Variants in CFAP299 observed in about 807,000 individuals in gnomAD.
CFAP299 encodes cilia and flagella associated protein 299, also known as cilia- and flagella-associated protein 299.
In CFAP299, 21 loss-of-function variants were observed where a neutral mutation model predicts 27.0. That is an observed-to-expected ratio of 0.78 (90% CI 0.55 to 1.12). CFAP299 has a LOEUF of 1.12. Among genes scored for constraint, CFAP299 ranks in the 50% most tolerant of loss-of-function variants. The pLI is 0.00. For missense variants in CFAP299, 310 were observed against 276.6 expected (o/e 1.12, Z -0.86); for synonymous variants, 104 against 98.1 (o/e 1.06, Z -0.36).
intron 3 of CFAP299, among the ~76,000 whole-genome samples, chr4:80,712,025 G>A (rs1722204533): frequency 6.6e-6 from 1 of 152,130 alleles, no homozygotes; most frequent in South Asian, 2.1e-4. Flanking sequence ...CTGCTAGGAG[G>A]CAATACTTAC....
intron 2 of CFAP299, among the ~76,000 whole-genome samples, chr4:80,432,073 A>T (rs1405297357): frequency 6.6e-6 from 1 of 152,252 alleles, no homozygotes; most frequent in Non-Finnish European, 1.5e-5. Context: ...TCTCACTTAT[A>T]GATAGGAAAA....
intron 2 of CFAP299, among the ~76,000 whole-genome samples, chr4:80,483,406 T>G (rs2110129939): frequency 6.6e-6 from 1 of 152,334 alleles, no homozygotes; most frequent in Middle Eastern, 3.4e-3. Flanking sequence ...TAATTAAATT[T>G]TACATGAATT....
Position 80,884,300 on chromosome 4 carries a change from A to G in CFAP299, c.476+14165A>G, listed in dbSNP as rs185762944. Among the ~76,000 whole-genome samples the G allele has an allele frequency of 7.0e-4, 106 of 152,314 alleles. No individual in the cohort carries two copies. In the East Asian group the frequency reaches 0.014, roughly 20 times the overall value. ...GAAGTGTCTCAATAAATTTTTTAAA[A>G]TTGGATCAAGTTTCTTGTTCAAGCA... On this transcript the variant is annotated intron_variant, in intron 4 of 5. Coordinates refer to ENST00000358105, the MANE Select transcript of CFAP299 (RefSeq NM_152770.3).
intron 1 of CFAP299, among the ~76,000 whole-genome samples, chr4:80,352,325 T>G (rs376852412): frequency 1.2e-3 from 183 of 152,254 alleles, no homozygotes; most frequent in African/African-American, 4.2e-3. Flanking sequence ...CCCAGCACTT[T>G]GGGAGGCTGA....
intron 2 of CFAP299, among the ~76,000 whole-genome samples, chr4:80,509,665 A>G (rs535898902): frequency 6.6e-6 from 1 of 152,286 alleles, no homozygotes; most frequent in South Asian, 2.1e-4. Flanking sequence ...TCATTAGGGA[A>G]ATATAATTAT....
intron 3 of CFAP299, among the ~76,000 whole-genome samples, chr4:80,773,400 T>C (rs1726336278): frequency 2.0e-5 from 3 of 152,136 alleles, no homozygotes; most frequent in Non-Finnish European, 2.9e-5. Flanking sequence ...AGACTAGTCC[T>C]ATTAGCCTAT....
At chr4:80,545,724 A>G (rs575942052) in intron 2 of CFAP299, among the ~76,000 whole-genome samples, 2 of 152,280 alleles carry the variant, frequency 1.3e-5, no homozygotes, top group South Asian at 4.1e-4. Context: ...AGGAGGAGGG[A>G]CTCCTCTCTA....
intron 3 of CFAP299, among the ~76,000 whole-genome samples, chr4:80,700,038 T>A (rs72661721): frequency 0.029 from 4,488 of 152,260 alleles, 90 homozygotes; most frequent in Middle Eastern, 0.061. Context: ...ATTTGGTAGG[T>A]AAATTGTACT....
At chr4:80,937,899 G>A (rs936946423) in intron 4 of CFAP299, among the ~76,000 whole-genome samples, 1 of 151,880 alleles carries the variant, frequency 6.6e-6, no homozygotes, top group African/African-American at 2.4e-5. Flanking sequence ...ATCTGCTACT[G>A]GTGTTTTGTT....
intron 3 of CFAP299, among the ~76,000 whole-genome samples, chr4:80,863,309 C>T (rs1347387298): frequency 6.6e-6 from 1 of 151,398 alleles, no homozygotes; most frequent in Non-Finnish European, 1.5e-5. Context: ...AATCAGGCAA[C>T]ACATGTAGTC....
At chr4:80,339,601 C>A (rs908625323) in intron 1 of CFAP299, among the ~76,000 whole-genome samples, 17 of 152,196 alleles carry the variant, frequency 1.1e-4, no homozygotes, top group South Asian at 2.1e-4. Context: ...TACTGAATAG[C>A]TTCAAAGCAT....
chr4:80,766,314 G>C (rs576988962), intron 3 of CFAP299, among the ~76,000 whole-genome samples: 1 of 152,074 alleles, frequency 6.6e-6, no homozygotes, highest in Non-Finnish European at 1.5e-5. Flanking sequence ...TAGAATACTG[G>C]AGTAAGCTAA....
chr4:80,651,798 A>G lies in CFAP299; in HGVS notation c.333+68615A>G, dbSNP rs117431171. Among the ~76,000 whole-genome samples the G allele has an allele frequency of 3.1e-4, 47 of 151,228 alleles. No homozygotes were observed. In the East Asian group the frequency reaches 8.6e-3, roughly 28 times the overall value. On this transcript the variant is annotated intron_variant, in intron 3 of 5. Transcript: ENST00000358105. ...ACAGAAGAGACAAAATCACACAGGT[A>G]AACTTTGAATTGTCAGTTGACCATA...
rs115055255 is a variant in CFAP299 at position 80,950,420 on chromosome 4, G to T, written c.606+5481G>T. On this transcript the variant is annotated intron_variant, in intron 5 of 5. Transcript: ENST00000358105. ...TGGCAAGCTAGAAAGTAACCTGAGA[G>T]GACAGAAAAAGTTCTGTAAGAATTC... Among the ~76,000 whole-genome samples the T allele has an allele frequency of 5.5e-3, 841 of 152,136 alleles. 4 individuals are homozygous for T. The highest frequency in any genetic ancestry group is 0.019 in the African/African-American group (793 of 41,516).
intron 3 of CFAP299, among the ~76,000 whole-genome samples, chr4:80,724,986 T>C (rs894280267): frequency 1.3e-5 from 2 of 150,928 alleles, no homozygotes; most frequent in African/African-American, 4.9e-5. Flanking sequence ...CTTGCTGTGT[T>C]GCCCATGCTG....
intron 3 of CFAP299, among the ~76,000 whole-genome samples, chr4:80,701,219 T>C (rs1325196599): frequency 6.6e-6 from 1 of 151,976 alleles, no homozygotes; most frequent in Non-Finnish European, 1.5e-5. Context: ...GAGGATATGG[T>C]TTAAGAATCA....
chr4:80,952,526 G>C (rs970586820), intron 5 of CFAP299, among the ~76,000 whole-genome samples: 4 of 152,066 alleles, frequency 2.6e-5, no homozygotes, highest in African/African-American at 9.7e-5. Context: ...GGGTAAATGA[G>C]AGTAGCAATT....
At chr4:80,950,753 A>G (rs1737735819) in intron 5 of CFAP299, among the ~76,000 whole-genome samples, 1 of 152,276 alleles carries the variant, frequency 6.6e-6, no homozygotes, top group East Asian at 1.9e-4. Flanking sequence ...CATCCCAAGA[A>G]GGCTGGATAA....
intron 2 of CFAP299, among the ~76,000 whole-genome samples, chr4:80,427,602 T>C (rs1015299405): frequency 6.6e-6 from 1 of 152,176 alleles, no homozygotes; most frequent in African/African-American, 2.4e-5. Context: ...GCTCATTGTT[T>C]TAAAATTGGA....
Sources: allele counts gnomAD v4.1 joint callset (sites outside exome capture counted in the v4.1 genomes callset), GRCh38; gene constraint gnomAD v4.1.1; transcripts MANE v1.5; gene names NCBI Gene and HGNC (gene_info 2026-07-23, HGNC 2026-07-21).